The following TAFA1 variants were observed in gnomAD, a reference collection of about 807,000 sequenced individuals.
The protein encoded by TAFA1 is chemokine-like protein TAFA-1.
TAFA1 carries 4 observed loss-of-function variants against 18.5 expected under a neutral mutation model. The observed-to-expected ratio is 0.22, with a 90% CI of 0.11 to 0.49. The LOEUF (loss-of-function observed/expected upper bound fraction) is 0.49. Among genes scored for constraint, TAFA1 ranks in the 20% least tolerant of loss-of-function variants. The pLI, the probability that TAFA1 is intolerant of heterozygous loss-of-function variation, is 0.98. For missense variants in TAFA1, 147 were observed against 169.0 expected (o/e 0.87, Z 0.72); for synonymous variants, 56 against 55.2 (o/e 1.01, Z -0.06).
At chr3:68,086,387 A>G (rs2064970463) in intron 2 of TAFA1, among the ~76,000 whole-genome samples, 1 of 152,116 alleles carries the variant, frequency 6.6e-6, no homozygotes, top group Admixed American at 6.5e-5. Flanking sequence ...AATTTGCAGA[A>G]GTTCTCTTCT....
Position 68,115,876 on chromosome 3 carries a change from T to G in TAFA1, c.118+109132T>G, listed in dbSNP as rs988099980. ...AATCCTTGTGTAACACATGTCCTGT[T>G]GTCACCACAAAACATTTCTGTAAAA... On this transcript the variant is annotated intron_variant, in intron 2 of 4. Transcript: ENST00000478136. Among the ~76,000 whole-genome samples the G allele has an allele frequency of 2.6e-5, 4 of 152,224 alleles. No individual in the cohort carries two copies. In the East Asian group the frequency reaches 7.7e-4, roughly 29 times the overall value.
Position 68,241,534 on chromosome 3 carries a change from A to G in TAFA1, c.119-175746A>G, listed in dbSNP as rs1054256605. ...ATAGTACTTTAGAGTGAAAAACAGA[A>G]CACAAATCCTGAACTCCAGCTAAGT... On this transcript the variant is annotated intron_variant, in intron 2 of 4. Transcript: ENST00000478136. 3.3e-5 allele frequency among the ~76,000 whole-genome samples: 5 copies of G among 152,300 alleles called. No individual in the cohort carries two copies. The Middle Eastern group carries it at 0.01, about 311-fold the overall frequency.
At chr3:68,017,845 A>T (rs1405115555) in intron 2 of TAFA1, among the ~76,000 whole-genome samples, 1 of 152,206 alleles carries the variant, frequency 6.6e-6, no homozygotes, top group Non-Finnish European at 1.5e-5. Context: ...TATGGGTCAT[A>T]ACTGAATAGG....
chr3:68,034,729 T>TA (rs1387700143), intron 2 of TAFA1, among the ~76,000 whole-genome samples: 2 of 152,134 alleles, frequency 1.3e-5, no homozygotes, highest in Non-Finnish European at 2.9e-5. Context: ...TGTCCTTGTC[T>TA]ACCTGACAGT....
intron 2 of TAFA1, among the ~76,000 whole-genome samples, chr3:68,079,663 C>T (rs575367754): frequency 1.3e-5 from 2 of 152,280 alleles, no homozygotes; most frequent in African/African-American, 4.8e-5. Context: ...TTTGATTGCA[C>T]TGTGGTCTGA....
chr3:68,313,425 C>CATATA (rs1412744049), intron 2 of TAFA1, among the ~76,000 whole-genome samples: 1 of 152,050 alleles, frequency 6.6e-6, no homozygotes, highest in Non-Finnish European at 1.5e-5. Flanking sequence ...TAATGATCTG[C>CATATA]ATATACCTTG....
chr3:68,463,673 A>C (rs898698126), intron 3 of TAFA1, among the ~76,000 whole-genome samples: 1 of 152,196 alleles, frequency 6.6e-6, no homozygotes. Flanking sequence ...GCATGTCCAC[A>C]TACCCAAGGA....
chr3:68,141,434 C>T (rs1220563202), intron 2 of TAFA1, among the ~76,000 whole-genome samples: 1 of 152,120 alleles, frequency 6.6e-6, no homozygotes, highest in African/African-American at 2.4e-5. Flanking sequence ...AGAGAGAACT[C>T]AGGTCGTCAG....
chr3:68,072,555 T>C (rs1482040955), intron 2 of TAFA1, among the ~76,000 whole-genome samples: 1 of 151,862 alleles, frequency 6.6e-6, no homozygotes, highest in Non-Finnish European at 1.5e-5. Flanking sequence ...AGAACAAGGA[T>C]AGAAAGGATA....
At chr3:68,221,242 T>A (rs2066726171) in intron 2 of TAFA1, among the ~76,000 whole-genome samples, 1 of 152,168 alleles carries the variant, frequency 6.6e-6, no homozygotes. Context: ...TTACTGGACT[T>A]TGACCTAGGA....
chr3:68,040,531 A>G (rs1472220122), intron 2 of TAFA1, among the ~76,000 whole-genome samples: 1 of 152,072 alleles, frequency 6.6e-6, no homozygotes, highest in Non-Finnish European at 1.5e-5. Flanking sequence ...AGAGAATGTA[A>G]TTTTTCCTGG....
chr3:68,432,729 G>A (rs2071200668), intron 3 of TAFA1, among the ~76,000 whole-genome samples: 1 of 151,970 alleles, frequency 6.6e-6, no homozygotes, highest in Non-Finnish European at 1.5e-5. Context: ...CCCAGTCCAA[G>A]TAAGAGAAGA....
At chr3:68,245,795 T>C (rs1403285271) in intron 2 of TAFA1, among the ~76,000 whole-genome samples, 1 of 152,250 alleles carries the variant, frequency 6.6e-6, no homozygotes, top group African/African-American at 2.4e-5. Context: ...ATCAATGTTT[T>C]GCTCTTGAGG....
At chr3:68,064,167 A>T (rs12486136) in intron 2 of TAFA1, among the ~76,000 whole-genome samples, 75,743 of 152,056 alleles carry the variant, frequency 0.5, 19,315 homozygotes, top group South Asian at 0.63. Flanking sequence ...AGAGGTAAAA[A>T]CGTGATGAGG....
rs550932146 is a variant in TAFA1 at position 68,355,425 on chromosome 3, T to A, written c.119-61855T>A. 5.3e-5 allele frequency among the ~76,000 whole-genome samples: 8 copies of A among 152,034 alleles called. No homozygotes were observed. The South Asian group carries it at 1.7e-3, about 32-fold the overall frequency. On this transcript the variant is annotated intron_variant, in intron 2 of 4. Transcript: ENST00000478136. ...TACCTCAGTTCCCTTTTCATAAAAT[T>A]GGGCTAATAAATAGAACTGAGTCAG...
intron 2 of TAFA1, among the ~76,000 whole-genome samples, chr3:68,007,708 G>C (rs1376761566): frequency 6.7e-6 from 1 of 148,292 alleles, no homozygotes; most frequent in Non-Finnish European, 1.5e-5. Flanking sequence ...AGTGCTCCCA[G>C]CCCTCCACCC....
At position 68,164,630 on chromosome 3, in the gene TAFA1, CGTGTGTGTGT is replaced by C. The variant is rs1306831109; in HGVS notation, c.118+157908_118+157917del. ...TCTACCACATTTGTTCCTTTTGCAA[CGTGTGTGTGT>C]GTGTGTGTGTGTGTGTGTGTGGGAG... On this transcript the variant is annotated intron_variant, in intron 2 of 4. Transcript: ENST00000478136. 4.4e-3 allele frequency among the ~76,000 whole-genome samples: 646 copies of C among 146,718 alleles called. 5 individuals carry two copies. Among genetic ancestry groups the C allele is most frequent in the African/African-American group, 0.015 (592 of 39,908 alleles).
At chr3:68,251,047 A>G (rs551024419) in intron 2 of TAFA1, 1 of 152,264 alleles carries the variant, frequency 6.6e-6, no homozygotes, top group South Asian at 2.1e-4. Context: ...AGCAGTGATA[A>G]ATGGCAGCCT....
chr3:68,405,172 C>A (rs988892589), intron 2 of TAFA1, among the ~76,000 whole-genome samples: 1 of 152,096 alleles, frequency 6.6e-6, no homozygotes, highest in African/African-American at 2.4e-5. Context: ...AATCACCACC[C>A]ATGTTCGTTT....
Sources: allele counts gnomAD v4.1 joint callset (sites outside exome capture counted in the v4.1 genomes callset), GRCh38; gene constraint gnomAD v4.1.1; transcripts MANE v1.5; gene names NCBI Gene and HGNC (gene_info 2026-07-23, HGNC 2026-07-21).